The following BTBD9 variants were observed in gnomAD, a reference collection of about 807,000 sequenced individuals.
The protein encoded by BTBD9 is BTB domain containing 9.
In BTBD9, 49 loss-of-function variants were observed where a neutral mutation model predicts 64.3. The ratio of observed to expected loss-of-function variants is 0.76; its 90% confidence interval spans 0.61 to 0.97. The LOEUF (loss-of-function observed/expected upper bound fraction) is 0.97. BTBD9 is among the 50% of genes least tolerant of loss of function. BTBD9 has a pLI of 0.00. For synonymous variants in BTBD9, 260 were observed against 274.7 expected (o/e 0.95, Z 0.53); for missense variants, 598 against 762.1 (o/e 0.78, Z 2.53).
chr6:38,336,489 G>A (rs554800369), intron 7 of BTBD9, among the ~76,000 whole-genome samples: 45 of 152,082 alleles, frequency 3.0e-4, no homozygotes, highest in Admixed American at 9.2e-4. Context: ...GAGAAGTGCC[G>A]AAAAAAGGGG....
chr6:38,581,330 T>C (rs1290021916), intron 4 of BTBD9, among the ~76,000 whole-genome samples: 1 of 152,200 alleles, frequency 6.6e-6, no homozygotes. Flanking sequence ...GGTTCCAATA[T>C]AGCATAGCTG....
intron 1 of BTBD9, among the ~76,000 whole-genome samples, chr6:38,626,629 G>C (rs1474495941): frequency 6.6e-6 from 1 of 152,122 alleles, no homozygotes; most frequent in African/African-American, 2.4e-5. Flanking sequence ...TATCATAAAG[G>C]AGCCACACCA....
intron 7 of BTBD9, among the ~76,000 whole-genome samples, chr6:38,317,412 T>C (rs765463398): frequency 2.0e-5 from 3 of 152,220 alleles, no homozygotes; most frequent in Non-Finnish European, 4.4e-5. Flanking sequence ...TTTCTCTTGC[T>C]GCTTTTAGGA....
chr6:38,224,098 A>G (rs1763305739), intron 9 of BTBD9, among the ~76,000 whole-genome samples: 1 of 152,134 alleles, frequency 6.6e-6, no homozygotes, highest in Non-Finnish European at 1.5e-5. Flanking sequence ...CTGTAGTCCC[A>G]GCTACTTTGG....
chr6:38,590,768 A>C (rs1330598614), intron 4 of BTBD9, among the ~76,000 whole-genome samples: 29 of 152,232 alleles, frequency 1.9e-4, no homozygotes, highest in Admixed American at 1.9e-3. Context: ...AGTGTGTCAC[A>C]GTTAATTGGC....
chr6:38,355,135 A>G (rs977703284), intron 6 of BTBD9, among the ~76,000 whole-genome samples: 10 of 152,184 alleles, frequency 6.6e-5, no homozygotes, highest in African/African-American at 2.4e-4. Context: ...AAATCTGTCA[A>G]TGTGTTAGAA....
chr6:38,607,717 G>C (rs71571331), intron 1 of BTBD9, among the ~76,000 whole-genome samples: 12,838 of 150,804 alleles, frequency 0.085, 683 homozygotes, highest in Middle Eastern at 0.18. Flanking sequence ...GCTGGGAGAA[G>C]CTACTCCTTT....
intron 6 of BTBD9, among the ~76,000 whole-genome samples, chr6:38,387,724 T>C (rs954467263): frequency 6.6e-6 from 1 of 152,154 alleles, no homozygotes; most frequent in Non-Finnish European, 1.5e-5. Flanking sequence ...AGTATATAAT[T>C]CATTTTGTTC....
chr6:38,449,780 A>G (rs1019592572), intron 6 of BTBD9, among the ~76,000 whole-genome samples: 10 of 152,100 alleles, frequency 6.6e-5, no homozygotes, highest in African/African-American at 2.4e-4. Flanking sequence ...AAATCAACTC[A>G]AAATGGATTG....
At chr6:38,555,973 ATGTT>A (rs1490127274) in intron 6 of BTBD9, among the ~76,000 whole-genome samples, 3 of 152,242 alleles carry the variant, frequency 2.0e-5, no homozygotes, top group Non-Finnish European at 4.4e-5. Flanking sequence ...ACAGGGATGA[ATGTT>A]TGAGTGGGAA....
intron 6 of BTBD9, among the ~76,000 whole-genome samples, chr6:38,559,665 CT>C (rs890334478): frequency 6.6e-6 from 1 of 152,192 alleles, no homozygotes; most frequent in Non-Finnish European, 1.5e-5. Flanking sequence ...ATCACATTAC[CT>C]ACTTCAAATG....
intron 1 of BTBD9, among the ~76,000 whole-genome samples, chr6:38,614,267 C>A (rs1367450658): frequency 1.3e-5 from 2 of 152,172 alleles, no homozygotes; most frequent in East Asian, 3.9e-4. Flanking sequence ...TCCCCCATCA[C>A]CGCCCCTATC....
At chr6:38,325,003 T>C (rs1044249316) in intron 7 of BTBD9, among the ~76,000 whole-genome samples, 3 of 152,138 alleles carry the variant, frequency 2.0e-5, no homozygotes, top group Admixed American at 6.5e-5. Context: ...GTAAATTGCT[T>C]AGAACAGTGA....
At chr6:38,390,328 A>G (rs1306340643) in intron 6 of BTBD9, among the ~76,000 whole-genome samples, 1 of 152,054 alleles carries the variant, frequency 6.6e-6, no homozygotes, top group Non-Finnish European at 1.5e-5. Flanking sequence ...CAAGTGATCC[A>G]CCCACCTTGG....
At chr6:38,360,089 G>C (rs1056812324) in intron 6 of BTBD9, among the ~76,000 whole-genome samples, 1 of 152,116 alleles carries the variant, frequency 6.6e-6, no homozygotes, top group Non-Finnish European at 1.5e-5. Context: ...CGTTTTTACA[G>C]CTTAAATTAA....
chr6:38,269,174 A>T (rs1301700374), intron 8 of BTBD9, among the ~76,000 whole-genome samples: 3 of 152,230 alleles, frequency 2.0e-5, no homozygotes, highest in African/African-American at 2.4e-5. Flanking sequence ...ACTTACCATT[A>T]AAAAAGAGAA....
intron 9 of BTBD9, among the ~76,000 whole-genome samples, chr6:38,197,551 A>G (rs984263458): frequency 1.7e-4 from 26 of 152,218 alleles, no homozygotes; most frequent in African/African-American, 6.0e-4. Flanking sequence ...GCCTCAGGTA[A>G]GTGACCATCC....
intron 7 of BTBD9, among the ~76,000 whole-genome samples, chr6:38,326,685 G>A (rs1465473698): frequency 6.7e-6 from 1 of 149,390 alleles, no homozygotes; most frequent in Non-Finnish European, 1.5e-5. Context: ...GCTTACTGAG[G>A]TTTTACTGAG....
At chr6:38,335,201 T>G (rs1763845285) in intron 7 of BTBD9, among the ~76,000 whole-genome samples, 1 of 152,146 alleles carries the variant, frequency 6.6e-6, no homozygotes, top group Non-Finnish European at 1.5e-5. Flanking sequence ...AAACCTTTTT[T>G]CTTTATAAAT....
Sources: allele counts gnomAD v4.1 joint callset (sites outside exome capture counted in the v4.1 genomes callset), GRCh38; gene constraint gnomAD v4.1.1; transcripts MANE v1.5; gene names NCBI Gene and HGNC (gene_info 2026-07-23, HGNC 2026-07-21).